DOCK10: variants seen among roughly 807,000 people sequenced by gnomAD.
The protein encoded by DOCK10 is dedicator of cytokinesis 10.
DOCK10 carries 145 observed loss-of-function variants against 280.1 expected under a neutral mutation model. The ratio of observed to expected loss-of-function variants is 0.52; its 90% CI spans 0.45 to 0.59. DOCK10 has a LOEUF of 0.59. Ranked by LOEUF, DOCK10 falls within the 20% of genes least tolerant of loss-of-function variation. The pLI is 0.00. For missense variants in DOCK10, 2,368 were observed against 2,651.7 expected (o/e 0.89, Z 2.35); for synonymous variants, 915 against 942.2 (o/e 0.97, Z 0.53).
At chr2:224,953,740 T>A (rs57722480) in intron 1 of DOCK10, among the ~76,000 whole-genome samples, 3,962 of 152,288 alleles carry the variant, frequency 0.026, 160 homozygotes, top group African/African-American at 0.09. Flanking sequence ...AGTGGTTTTT[T>A]AAAATGGCGC....
intron 53 of DOCK10, among the ~76,000 whole-genome samples, chr2:224,771,128 G>A (rs1690414446): frequency 6.6e-6 from 1 of 151,864 alleles, no homozygotes; most frequent in African/African-American, 2.4e-5. Context: ...TAGAGACGGG[G>A]GAAGGGGGGC....
rs201155796 is a variant in DOCK10 at position 224,886,157 on chromosome 2, C to A, written c.518G>T (p.Gly173Val). 32 of 1,613,730 alleles carry A rather than the reference C, an allele frequency of 2.0e-5. No homozygotes were observed. Among genetic ancestry groups the A allele is most frequent in the Middle Eastern group, 1.6e-4 (1 of 6,080 alleles). Reference sequence around the variant, plus strand: ...ACCAGTTCCTCCCGCTCCTCCACCCCCCTTGGAAGACGAGTGGGAAGTGGT... The same window carrying A: ...ACCAGTTCCTCCCGCTCCTCCACCCACCTTGGAAGACGAGTGGGAAGTGGT... ...EDTTSHSSSK[G>V]GGGAGGTGVF... Residue 173 changes from glycine (G) to valine (V), a missense_variant, in exon 6 of 56, where the codon GGG (glycine) becomes GTG (valine). By Grantham distance (109) the Gly-to-Val change is moderately radical. This residue lies in a region of DOCK10 where 1,209 missense variants were observed against 1,250.9 expected (regional missense o/e 0.97). Transcript: ENST00000258390.
chr2:224,828,723 G>C (rs1400471507), intron 27 of DOCK10, among the ~76,000 whole-genome samples: 5 of 152,160 alleles, frequency 3.3e-5, no homozygotes, highest in Admixed American at 2.0e-4. Flanking sequence ...CAGGAGCCAG[G>C]GGGCTGTGAG....
chr2:224,872,027 T>C (rs1698321115), intron 11 of DOCK10, among the ~76,000 whole-genome samples: 1 of 152,232 alleles, frequency 6.6e-6, no homozygotes, highest in African/African-American at 2.4e-5. Context: ...GGAATAAGTA[T>C]ATTTGGAGAA....
At chr2:224,943,127 A>G (rs1423803949) in intron 1 of DOCK10, among the ~76,000 whole-genome samples, 3 of 152,216 alleles carry the variant, frequency 2.0e-5, no homozygotes, top group Non-Finnish European at 4.4e-5. Flanking sequence ...ACCACCACAC[A>G]CATTTCAAAA....
At chr2:224,921,106 A>ATATATATAT (rs1553613917) in intron 2 of DOCK10, among the ~76,000 whole-genome samples, 7 of 57,814 alleles carry the variant, frequency 1.2e-4, no homozygotes, top group African/African-American at 5.8e-4. Context: ...AAAAAAAAAA[A>ATATATATAT]AAAAAAATAT....
intron 51 of DOCK10, among the ~76,000 whole-genome samples, chr2:224,776,207 C>G (rs928972633): frequency 6.6e-6 from 1 of 152,106 alleles, no homozygotes; most frequent in African/African-American, 2.4e-5. Context: ...ATCTGTCTAC[C>G]CATCCACTGC....
chr2:225,041,985 C>A (rs1690442374), intron 1 of DOCK10, among the ~76,000 whole-genome samples: 1 of 152,264 alleles, frequency 6.6e-6, no homozygotes, highest in Non-Finnish European at 1.5e-5. Context: ...TGCACATCCT[C>A]TCCCACGCTG....
rs557210726 is a variant in DOCK10 at position 224,949,967 on chromosome 2, G to A, written c.124-18299C>T. On this transcript the variant is annotated intron_variant, in intron 1 of 55. Coordinates refer to ENST00000258390, the MANE Select transcript of DOCK10 (RefSeq NM_014689.3). ...CTGTCTACTGCCCAGGGTTAAATAG[G>A]AGAGGAGAGATAGAATCAATTGAAG... 5.5e-4 allele frequency among the ~76,000 whole-genome samples: 84 copies of A among 152,286 alleles called. 1 individual carries two copies. Among genetic ancestry groups the A allele is most frequent in the African/African-American group, 1.8e-3 (75 of 41,562 alleles).
In DOCK10 at chr2:224,830,584, A is replaced by C; in HGVS notation, c.2993T>G (p.Leu998Arg). The change falls in exon 27 of 56, where the codon CTA becomes CGA. Residue 998 changes from leucine to arginine, a missense_variant. Leu to Arg is a moderately radical substitution (Grantham distance 102). This residue lies in a region of DOCK10 where 1,209 missense variants were observed against 1,250.9 expected (regional missense o/e 0.97). Transcript: ENST00000258390. Reference sequence around the variant, plus strand: ...AATCAAGTGCTGTGCCATCGATTTTAGGATAATTGCAAAGAAGAACCAGGA... The same window carrying C: ...AATCAAGTGCTGTGCCATCGATTTTCGGATAATTGCAAAGAAGAACCAGGA... ...KHSWFFFAIILKSMAQHLIDT... is the reference protein window; with the variant it reads ...KHSWFFFAIIRKSMAQHLIDT... 1 of 1,538,876 alleles carries C rather than the reference A, an allele frequency of 6.5e-7. No individual in the cohort carries two copies. The highest frequency in any genetic ancestry group is 8.8e-7 in the Non-Finnish European group (1 of 1,135,438).
chr2:224,784,724 A>G (rs981306896), intron 50 of DOCK10: 2 of 1,289,702 alleles, frequency 1.6e-6, no homozygotes, highest in African/African-American at 3.0e-5. Flanking sequence ...AGCGAGAGTG[A>G]GTGAGAACTT....
chr2:224,825,483 AC>A (rs1166525696), intron 27 of DOCK10, among the ~76,000 whole-genome samples: 1 of 152,258 alleles, frequency 6.6e-6, no homozygotes, highest in East Asian at 1.9e-4. Flanking sequence ...CAATTCACCT[AC>A]AAAAAGCAAC....
intron 13 of DOCK10, among the ~76,000 whole-genome samples, 172 bp from the exon 14 acceptor site, chr2:224,862,918 T>G (rs1159980875): frequency 2.0e-5 from 3 of 152,264 alleles, no homozygotes; most frequent in Non-Finnish European, 4.4e-5. Flanking sequence ...GTGTTCAAAC[T>G]ATTGTATAAT....
Position 224,796,972 on chromosome 2 carries a change from G to A in DOCK10, c.4819C>T (p.His1607Tyr). Residue 1607 changes from histidine to tyrosine, a missense_variant, in exon 43 of 56, where the codon CAC (histidine) becomes TAC (tyrosine). Coordinates refer to ENST00000258390, the MANE Select transcript of DOCK10 (RefSeq NM_014689.3). ...AAATTGGCAGCACTTACTTGTAAGT[G>A]GGACCGGACAATTGACTTCTGCTTG... ...FNKQKSIVRS[H>Y]LQLIKAVSQL... is the part of the protein sequence containing the mutation. The A allele has an allele frequency of 6.2e-7, 1 of 1,612,108 alleles. No individual in the cohort carries two copies. The highest frequency in any genetic ancestry group is 8.5e-7 in the Non-Finnish European group (1 of 1,179,162).
chr2:224,874,914 G>C (rs1464223365), intron 8 of DOCK10, among the ~76,000 whole-genome samples, 163 bp from the exon 9 acceptor site: 5 of 152,212 alleles, frequency 3.3e-5, no homozygotes, highest in Non-Finnish European at 5.9e-5. Context: ...ATTGTTGAGT[G>C]ATCTGGGCCT....
At chr2:224,795,686 C>T (rs969150940) in intron 44 of DOCK10, among the ~76,000 whole-genome samples, 2 of 152,180 alleles carry the variant, frequency 1.3e-5, no homozygotes, top group Non-Finnish European at 2.9e-5. Context: ...GTGAGAGAGG[C>T]AAGATCGAGG....
intron 4 of DOCK10, among the ~76,000 whole-genome samples, chr2:224,892,844 C>G (rs986803380): frequency 2.6e-5 from 4 of 152,240 alleles, no homozygotes; most frequent in African/African-American, 9.6e-5. Flanking sequence ...CAAGGCACAG[C>G]CTCCTGCCTT....
At chr2:224,823,359 A>C (rs1694633634) in intron 28 of DOCK10, 142 bp downstream of exon 28, 2 of 631,588 alleles carry the variant, frequency 3.2e-6, no homozygotes, top group Non-Finnish European at 4.9e-6. Flanking sequence ...AGCAATAAAG[A>C]TGTATAAATG....
At chr2:224,894,445 C>G (rs1699870179) in intron 4 of DOCK10, among the ~76,000 whole-genome samples, 1 of 152,208 alleles carries the variant, frequency 6.6e-6, no homozygotes, top group Non-Finnish European at 1.5e-5. Flanking sequence ...TCTCCATCCT[C>G]TCAACTTGAG....
Sources: gnomAD v4.1 joint callset for allele counts (sites outside exome capture counted in the v4.1 genomes callset) on GRCh38, gnomAD v4.1.1 for gene constraint, gnomAD v4.1.1 regional missense constraint, MANE v1.5 for transcripts, NCBI Gene and HGNC (gene_info 2026-07-23, HGNC 2026-07-21) for gene names.